Variants in ARMCX1 observed in about 807,000 individuals in gnomAD.
ARMCX1 encodes the protein armadillo repeat-containing X-linked protein 1.
A neutral mutation model predicts 15.4 loss-of-function variants in ARMCX1; 4 were observed. The observed-to-expected ratio is 0.26, with a 90% CI of 0.13 to 0.59. The LOEUF (loss-of-function observed/expected upper bound fraction) is 0.59, where lower values mean the gene tolerates loss of function less well. Ranked by LOEUF, ARMCX1 falls within the 20% of genes least tolerant of loss-of-function variation. The probability of loss-of-function intolerance (pLI) is 0.89; values close to 1 mark genes in which losing one functional copy is unlikely to be tolerated. For synonymous variants in ARMCX1, 144 were observed against 130.5 expected (o/e 1.10, Z -0.71); for missense variants, 273 against 337.1 (o/e 0.81, Z 1.49).
chrX:101,554,398 C>A lies in ARMCX1; in HGVS notation c.*106C>A. 1 of 843,987 alleles carries A rather than the reference C, an allele frequency of 1.2e-6. No homozygotes were observed. Among genetic ancestry groups the A allele is most frequent in the Non-Finnish European group, 1.6e-6 (1 of 608,724 alleles). The allele number at this position is 843,987 out of a possible 1,213,427, so 69.6% of individuals were successfully genotyped here. On this transcript the variant is annotated 3_prime_UTR_variant, in exon 4 of 4. Coordinates refer to ENST00000372829, the MANE Select transcript of ARMCX1 (RefSeq NM_016608.2). ...GTATATGGTAAAGAGATCTTTTCAG[C>A]TGCTATTTTGGAATAATGACTATCA...
In ARMCX1 at chrX:101,554,244, T is replaced by C; in HGVS notation, c.1314T>C (p.Asn438=). ...VKKIKALANH[N]DLVVKVKVLK... is the part of the protein sequence containing the mutation. ...AAATCAAAGCACTAGCAAATCACAA[T>C]GATCTGGTGGTGAAAGTAAAAGTCC... Residue 438 remains asparagine, a synonymous_variant, in exon 4 of 4, where the codon AAT becomes AAC. Transcript: ENST00000372829. The C allele has an allele frequency of 1.7e-6, 2 of 1,202,008 alleles. No individual in the cohort carries two copies. Among genetic ancestry groups the C allele is most frequent in the Non-Finnish European group, 2.2e-6 (2 of 892,497 alleles).
chrX:101,553,032 C>T lies in ARMCX1; in HGVS notation c.102C>T (p.Asn34=), dbSNP rs140507248. 278 of 1,209,719 alleles carry T rather than the reference C, an allele frequency of 2.3e-4. No homozygotes were observed. In the South Asian group the frequency reaches 2.9e-3, roughly 13 times the overall value. The change falls in exon 4 of 4, where the codon AAC becomes AAT. Residue 34 remains asparagine (N), a synonymous_variant. Coordinates refer to ENST00000372829, the MANE Select transcript of ARMCX1 (RefSeq NM_016608.2). ...VYRLAWGRDE[N]EKIWDEDEES... ...GACTGGCTTGGGGAAGAGACGAGAA[C>T]GAGAAAATCTGGGACGAAGACGAGG...
rs781964539 is a variant in ARMCX1, at chrX:101,553,624, A to G, written c.694A>G (p.Asn232Asp). 8.3e-7 allele frequency: 1 copy of G among 1,212,028 alleles called. No individual in the cohort carries two copies. Among genetic ancestry groups the G allele is most frequent in the Non-Finnish European group, 1.1e-6 (1 of 895,463 alleles). ...AGAAGTAGCCTTGGTCACTCTGGGT[A>G]ACAATGCAGCATATTCATTTAACCA... Reference protein sequence around the residue: ...IQEVALVTLGNNAAYSFNQNA... With the variant: ...IQEVALVTLGDNAAYSFNQNA... The change falls in exon 4 of 4, where the codon AAC becomes GAC. Residue 232 changes from asparagine to aspartate, a missense_variant. By Grantham distance (23) the Asn-to-Asp change is conservative. Coordinates refer to ENST00000372829, the MANE Select transcript of ARMCX1 (RefSeq NM_016608.2).
Position 101,554,690 on chromosome X carries a change from GA to G in ARMCX1, c.*408del, listed in dbSNP as rs35047340. ...CAATAAAGTTGTGTTTTAAGCAGCA[GA>G]AAAAAAAAAGACGTTGTCCTTGTCC... On this transcript the variant is annotated 3_prime_UTR_variant, in exon 4 of 4. Coordinates refer to ENST00000372829, the MANE Select transcript of ARMCX1 (RefSeq NM_016608.2). 12 of 117,910 alleles carry G rather than the reference GA, an allele frequency of 1.0e-4. No homozygotes were observed. In the South Asian group the frequency reaches 1.2e-3, roughly 12 times the overall value. 9.7% of individuals were successfully genotyped at this position (117,910 alleles called of 1,213,427 possible).
chrX:101,553,907 C>A lies in ARMCX1; in HGVS notation c.977C>A (p.Ser326Tyr). 8.3e-7 allele frequency: 1 copy of A among 1,211,521 alleles called. No individual in the cohort carries two copies. Among genetic ancestry groups the A allele is most frequent in the Non-Finnish European group, 1.1e-6 (1 of 895,440 alleles). ...ACTAATCATTACCAACATTTGCTTT[C>A]CTATTCTTTTCCAGACTTTTTTGCT... ...TVTNHYQHLL[S>Y]YSFPDFFALL... The change falls in exon 4 of 4, where the codon TCC (serine) becomes TAC (tyrosine). Residue 326 changes from serine (S) to tyrosine (Y), a missense_variant. Ser to Tyr is a moderately radical substitution (Grantham distance 144, BLOSUM62 -2). Coordinates refer to ENST00000372829, the MANE Select transcript of ARMCX1 (RefSeq NM_016608.2).
Position 101,553,896 on chromosome X carries a change from A to G in ARMCX1, c.966A>G (p.Gln322=). Residue 322 remains glutamine, a synonymous_variant, in exon 4 of 4, where the codon CAA becomes CAG. Coordinates refer to ENST00000372829, the MANE Select transcript of ARMCX1 (RefSeq NM_016608.2). The part of the protein sequence containing the change: ...LTNMTVTNHY[Q]HLLSYSFPDF... ...ACATGACTGTGACTAATCATTACCA[A>G]CATTTGCTTTCCTATTCTTTTCCAG... 1 of 1,211,720 alleles carries G rather than the reference A, an allele frequency of 8.3e-7. No individual in the cohort carries two copies. The highest frequency in any genetic ancestry group is 2.2e-5 in the Admixed American group (1 of 46,040).
rs782507120 is a variant in ARMCX1, at chrX:101,552,979, G to A, written c.49G>A (p.Gly17Arg). 1.7e-6 allele frequency: 2 copies of A among 1,210,073 alleles called. No homozygotes were observed. Among genetic ancestry groups the A allele is most frequent in the Non-Finnish European group, 2.2e-6 (2 of 895,238 alleles). ...AGCVAAGVVI[G>R]AGACYCVYRL... The stretch of plus-strand genomic sequence containing the variant: ...CTGCGTGGCCGCTGGTGTGGTTATC[G>A]GGGCTGGTGCCTGCTACTGTGTATA... The change falls in exon 4 of 4, where the codon GGG becomes AGG. Residue 17 changes from glycine (G) to arginine (R), a missense_variant. Gly to Arg is a moderately radical substitution (Grantham distance 125). Coordinates refer to ENST00000372829, the MANE Select transcript of ARMCX1 (RefSeq NM_016608.2).
chrX:101,552,795 T>G lies in ARMCX1; in HGVS notation c.-122-14T>G. On this transcript the variant is annotated splice_polypyrimidine_tract_variant and intron_variant, in intron 3 of 3. Coordinates refer to ENST00000372829, the MANE Select transcript of ARMCX1 (RefSeq NM_016608.2). ...AAAGGAGCCTGAAATCTGAAATGCA[T>G]CCTTTATTCCTAGGTCGAGCTGCCT... 1 of 652,977 alleles carries G rather than the reference T, an allele frequency of 1.5e-6. No homozygotes were observed. The highest frequency in any genetic ancestry group is 2.2e-6 in the Non-Finnish European group (1 of 447,691). 53.8% of individuals were successfully genotyped at this position (652,977 alleles called of 1,213,427 possible). A position where few individuals can be genotyped will look rare whatever the true frequency, so the allele number is the denominator to read the frequency against.
Position 101,551,584 on chromosome X carries a change from G to C in ARMCX1, c.-172G>C, listed in dbSNP as rs781864161. 1 of 112,679 alleles carries C rather than the reference G, an allele frequency of 8.9e-6. No homozygotes were observed. The highest frequency in any genetic ancestry group is 3.2e-5 in the African/African-American group (1 of 31,016). 9.3% of individuals were successfully genotyped at this position (112,679 alleles called of 1,213,427 possible). Reference sequence around the variant, plus strand: ...GTGTCTGCAGATCTTGGGGCCGGAGGCCAGTCCAACCCTTGGAGCAGGAAG... The same window carrying C: ...GTGTCTGCAGATCTTGGGGCCGGAGCCCAGTCCAACCCTTGGAGCAGGAAG... On this transcript the variant is annotated 5_prime_UTR_variant, in exon 3 of 4. Transcript: ENST00000372829.
rs1170731724 is a variant in ARMCX1, at chrX:101,553,400, G to T, written c.470G>T (p.Ser157Ile). The T allele has an allele frequency of 1.7e-6, 2 of 1,190,571 alleles. No homozygotes were observed. The highest frequency in any genetic ancestry group is 2.3e-5 in the Admixed American group (1 of 43,419). ...GGTGGAGGCTGCCACCCCACCAGGA[G>T]TGGATCTAGGGCCGGGGGCAGGGCA... ...GRGGGCHPTR[S>I]GSRAGGRASG... is the part of the protein sequence containing the mutation. Residue 157 changes from serine (S) to isoleucine (I), a missense_variant, in exon 4 of 4, where the codon AGT becomes ATT. Ser to Ile is a moderately radical substitution (Grantham distance 142). This residue lies in a region of ARMCX1 where 147 missense variants were observed against 143.5 expected (regional missense o/e 1.02). Transcript: ENST00000372829.
intron 1 of ARMCX1, 116 bp from the exon 2 acceptor site, chrX:101,550,855 C>A (rs180691936): frequency 1.8e-5 from 2 of 111,821 alleles, no homozygotes; most frequent in Non-Finnish European, 3.8e-5. Context: ...CCTTTAACAT[C>A]CAGGGCCTTG....
rs782600379 is a variant in ARMCX1 at position 101,554,054 on chromosome X, C to T, written c.1124C>T (p.Ser375Phe). The T allele has an allele frequency of 4.0e-5, 48 of 1,209,127 alleles. No homozygotes were observed. The highest frequency in any genetic ancestry group is 4.7e-5 in the Non-Finnish European group (42 of 894,403). The change falls in exon 4 of 4, where the codon TCC becomes TTC. Residue 375 changes from serine (S) to phenylalanine (F), a missense_variant. Physicochemically the swap from Ser to Phe is radical, Grantham distance 155 (BLOSUM62 -2). Around this residue, in one of 2 missense-constraint regions of ARMCX1, gnomAD observed 126 missense variants for 193.6 expected, o/e 0.65. Transcript: ENST00000372829. The stretch of plus-strand genomic sequence containing the variant: ...TGTAAAGTACCATCAGAATTGATTT[C>T]CCTCTTTAATAAAGAATGGGATAGA... ...VSCKVPSELI[S>F]LFNKEWDREI... is the part of the protein sequence containing the mutation.
chrX:101,551,322 A>G (rs374987676), intron 2 of ARMCX1, among the ~76,000 whole-genome samples: 1 of 109,454 alleles, frequency 9.1e-6, no homozygotes, highest in Non-Finnish European at 1.9e-5. Context: ...TTGCTGGGAA[A>G]ATGGCCGACC....
chrX:101,552,839 G>C lies in ARMCX1; in HGVS notation c.-92G>C. On this transcript the variant is annotated 5_prime_UTR_variant, in exon 4 of 4. Coordinates refer to ENST00000372829, the MANE Select transcript of ARMCX1 (RefSeq NM_016608.2). The stretch of plus-strand genomic sequence containing the variant: ...GCTGCCTCAGAGCCGGCCCGCAGTA[G>C]CTGCAGACTCCGCCCGCGACGTGTG... 2 of 1,054,440 alleles carry C rather than the reference G, an allele frequency of 1.9e-6. No individual in the cohort carries two copies. Among genetic ancestry groups the C allele is most frequent in the Non-Finnish European group, 2.5e-6 (2 of 788,130 alleles). The allele number at this position is 1,054,440 out of a possible 1,213,427, so 86.9% of individuals were successfully genotyped here.
chrX:101,552,874 C>G lies in ARMCX1; in HGVS notation c.-57C>G, dbSNP rs1038724464. The G allele has an allele frequency of 1.8e-5, 21 of 1,158,288 alleles. No homozygotes were observed. The South Asian group carries it at 3.3e-4, about 18-fold the overall frequency. On this transcript the variant is annotated 5_prime_UTR_variant, in exon 4 of 4. Coordinates refer to ENST00000372829, the MANE Select transcript of ARMCX1 (RefSeq NM_016608.2). ...CCGCCCGCGACGTGTGCGCGCTTCT[C>G]TGGGCCAGAGCGAGCCTGTTTTGTG...
At chrX:101,552,249 A>G (rs1857675083) in intron 3 of ARMCX1, among the ~76,000 whole-genome samples, 2 of 110,746 alleles carry the variant, frequency 1.8e-5, no homozygotes, top group South Asian at 7.8e-4. Flanking sequence ...TCATCGAAGG[A>G]GGAAGAGGGA....
In ARMCX1 at chrX:101,553,398, G is replaced by A; in HGVS notation, c.468G>A (p.Arg156=). ...GGGGTGGAGGCTGCCACCCCACCAG[G>A]AGTGGATCTAGGGCCGGGGGCAGGG... ...GGRGGGCHPT[R]SGSRAGGRAS... is the part of the protein sequence containing the mutation. Residue 156 remains arginine, a synonymous_variant, in exon 4 of 4, where the codon AGG becomes AGA. Coordinates refer to ENST00000372829, the MANE Select transcript of ARMCX1 (RefSeq NM_016608.2). 1 of 1,190,835 alleles carries A rather than the reference G, an allele frequency of 8.4e-7. No individual in the cohort carries two copies. The highest frequency in any genetic ancestry group is 1.7e-5 in the African/African-American group (1 of 57,196).
rs782707804 is a variant in ARMCX1, at chrX:101,553,898, A to G, written c.968A>G (p.His323Arg). The part of the protein sequence containing the change: ...TNMTVTNHYQ[H>R]LLSYSFPDFF... ...ATGACTGTGACTAATCATTACCAAC[A>G]TTTGCTTTCCTATTCTTTTCCAGAC... is the stretch of plus-strand genomic sequence containing the variant. The change falls in exon 4 of 4, where the codon CAT becomes CGT. Residue 323 changes from histidine (H) to arginine (R), a missense_variant. His to Arg is a conservative substitution (Grantham distance 29). Around this residue, in one of 2 missense-constraint regions of ARMCX1, gnomAD observed 126 missense variants for 193.6 expected, o/e 0.65. Coordinates refer to ENST00000372829, the MANE Select transcript of ARMCX1 (RefSeq NM_016608.2). The G allele has an allele frequency of 3.3e-6, 4 of 1,209,782 alleles. No homozygotes were observed. In the Admixed American group the frequency reaches 8.7e-5, roughly 26 times the overall value.
At position 101,553,769 on chromosome X, in the gene ARMCX1, A is replaced by G. The variant is rs782229645; in HGVS notation, c.839A>G (p.Asn280Ser). 4 of 1,209,982 alleles carry G rather than the reference A, an allele frequency of 3.3e-6. No homozygotes were observed. Among genetic ancestry groups the G allele is most frequent in the Non-Finnish European group, 3.4e-6 (3 of 895,291 alleles). Residue 280 changes from asparagine (N) to serine (S), a missense_variant, in exon 4 of 4, where the codon AAT (asparagine) becomes AGT (serine). By Grantham distance (46) the Asn-to-Ser change is conservative. This residue lies in a region of ARMCX1 where 126 missense variants were observed against 193.6 expected (regional missense o/e 0.65). Transcript: ENST00000372829. ...AATAACTTGAGTGTGAACGCAGAAAATCAGGGCAAGATTAAGACGTACATC... is the reference window on the plus strand; with the variant it reads ...AATAACTTGAGTGTGAACGCAGAAAGTCAGGGCAAGATTAAGACGTACATC... The part of the protein sequence containing the change: ...ALNNLSVNAE[N>S]QGKIKTYISQ...
Sources: gnomAD v4.1 joint callset for allele counts (sites outside exome capture counted in the v4.1 genomes callset) on GRCh38, gnomAD v4.1.1 for gene constraint, gnomAD v4.1.1 regional missense constraint, MANE v1.5 for transcripts, NCBI Gene and HGNC (gene_info 2026-07-23, HGNC 2026-07-21) for gene names.